Variants in RELN observed in about 807,000 individuals in gnomAD.
RELN encodes reelin.
A neutral mutation model predicts 427.6 loss-of-function variants in RELN; 108 were observed. That is an observed-to-expected ratio of 0.25 (90% CI 0.22 to 0.30). RELN has a LOEUF of 0.30. Ranked by LOEUF, RELN falls within the 10% of genes least tolerant of loss-of-function variation. The pLI is 1.00. For synonymous variants in RELN, 1,524 were observed against 1,513.4 expected (o/e 1.01, Z -0.16); for missense variants, 3,715 against 4,302.8 (o/e 0.86, Z 3.82).
intron 2 of RELN, among the ~76,000 whole-genome samples, chr7:103,856,751 C>G (rs193078464): frequency 4.6e-5 from 7 of 152,098 alleles, no homozygotes; most frequent in Non-Finnish European, 1.0e-4. Flanking sequence ...ATTCCTCCTT[C>G]CATTTAACTG....
intron 4 of RELN, among the ~76,000 whole-genome samples, chr7:103,768,851 G>C (rs918289108): frequency 1.3e-5 from 2 of 151,990 alleles, no homozygotes; most frequent in African/African-American, 4.8e-5. Context: ...TCTTGAGAAG[G>C]GATTTATTCT....
At chr7:103,524,779 TG>T (rs1299274698) in intron 46 of RELN, among the ~76,000 whole-genome samples, 1 of 152,178 alleles carries the variant, frequency 6.6e-6, no homozygotes, top group Non-Finnish European at 1.5e-5. Flanking sequence ...TCACCTGAAA[TG>T]AAGAGGTCAG....
At chr7:103,801,394 T>G (rs1465428906) in intron 3 of RELN, among the ~76,000 whole-genome samples, 2 of 152,168 alleles carry the variant, frequency 1.3e-5, no homozygotes, top group Non-Finnish European at 2.9e-5. Context: ...TGGAATACTA[T>G]GCAGACATAA....
chr7:103,574,329 G>A (rs771583932), intron 29 of RELN, 30 bp from the exon 30 acceptor site: 1 of 1,583,844 alleles, frequency 6.3e-7, no homozygotes, highest in Non-Finnish European at 8.7e-7. Flanking sequence ...GAGGAGAGAT[G>A]CTTTGTTGGA....
intron 8 of RELN, among the ~76,000 whole-genome samples, chr7:103,708,661 C>T (rs1789706264): frequency 2.0e-5 from 3 of 151,824 alleles, no homozygotes; most frequent in East Asian, 1.9e-4. Flanking sequence ...AACGGGGTTT[C>T]ACCGTGTTAG....
intron 11 of RELN, among the ~76,000 whole-genome samples, chr7:103,663,900 T>C (rs771586470): frequency 3.4e-4 from 51 of 151,812 alleles, no homozygotes; most frequent in East Asian, 5.9e-4. Context: ...TGGTCTTATA[T>C]AGAGGACTGA....
chr7:103,962,390 T>G (rs910713547), intron 1 of RELN, among the ~76,000 whole-genome samples: 4 of 152,256 alleles, frequency 2.6e-5, no homozygotes, highest in African/African-American at 9.6e-5. Context: ...CATCTTTCTC[T>G]GTGGCCTTCC....
At position 103,526,897 on chromosome 7, in the gene RELN, T is replaced by C. The variant is rs577238315; in HGVS notation, c.7350-3366A>G. ...CACCATCAGCTGCTACTTCCCGGAG[T>C]TGGGGGAAAAATGGTCCCAGAGAAG... On this transcript the variant is annotated intron_variant, in intron 46 of 64. Transcript: ENST00000428762. Among the ~76,000 whole-genome samples the C allele has an allele frequency of 2.9e-3, 437 of 152,196 alleles. 1 individual carries two copies. Among genetic ancestry groups the C allele is most frequent in the African/African-American group, 9.9e-3 (413 of 41,516 alleles).
At chr7:103,728,045 CT>C in intron 7 of RELN, 65 bp downstream of exon 7, 1 of 1,519,156 alleles carries the variant, frequency 6.6e-7, no homozygotes, top group Non-Finnish European at 9.1e-7. Context: ...ATAAGAAAAA[CT>C]TTTGTTGGCA....
At chr7:103,910,540 G>A (rs1426644675) in intron 2 of RELN, among the ~76,000 whole-genome samples, 9 of 149,522 alleles carry the variant, frequency 6.0e-5, no homozygotes, top group Non-Finnish European at 1.2e-4. Context: ...AGCCCGCATC[G>A]CCAAGTCAAT....
chr7:103,717,475 T>G (rs879389218), intron 8 of RELN, among the ~76,000 whole-genome samples: 1 of 138,552 alleles, frequency 7.2e-6, no homozygotes, highest in Non-Finnish European at 1.5e-5. Flanking sequence ...ATTCCATATA[T>G]AAAACAAAAA....
intron 48 of RELN, 77 bp from the exon 49 acceptor site, chr7:103,519,593 T>A: frequency 2.5e-6 from 3 of 1,208,226 alleles, no homozygotes; most frequent in South Asian, 2.6e-5. Context: ...TGGATTTTTT[T>A]TTTTTTTGAG....
At chr7:103,502,935 A>C (rs895391171) in intron 52 of RELN, 81 bp downstream of exon 52, 10 of 1,175,372 alleles carry the variant, frequency 8.5e-6, no homozygotes, top group African/African-American at 1.5e-5. Flanking sequence ...AATACACATA[A>C]TTTCAGGCAT....
chr7:103,542,436 T>A (rs975044615), intron 43 of RELN, among the ~76,000 whole-genome samples: 4 of 152,228 alleles, frequency 2.6e-5, no homozygotes, highest in African/African-American at 9.6e-5. Context: ...TTATTGAAGT[T>A]AAAGTAAATT....
At chr7:103,520,973 T>TTA (rs1829692617) in intron 48 of RELN, among the ~76,000 whole-genome samples, 2 of 132,726 alleles carry the variant, frequency 1.5e-5, no homozygotes, top group African/African-American at 5.7e-5. Flanking sequence ...TTTTTTTTTT[T>TTA]TTTTTTTTTT....
chr7:103,677,449 T>C (rs970998828), intron 11 of RELN, among the ~76,000 whole-genome samples: 53 of 119,896 alleles, frequency 4.4e-4, no homozygotes, highest in South Asian at 1.5e-3. Context: ...ATAATAATAA[T>C]AATAAAAAGA....
intron 10 of RELN, among the ~76,000 whole-genome samples, chr7:103,683,135 C>G (rs957605490): frequency 2.2e-4 from 33 of 152,094 alleles, no homozygotes; most frequent in Middle Eastern, 3.4e-3. Flanking sequence ...CATGAAACAT[C>G]AAACATTCTT....
chr7:103,724,244 T>C (rs1584437295), intron 7 of RELN, among the ~76,000 whole-genome samples: 1 of 152,230 alleles, frequency 6.6e-6, no homozygotes, highest in Admixed American at 6.5e-5. Context: ...TTATATGTCT[T>C]AATAACATCT....
Position 103,929,244 on chromosome 7 carries a change from T to G in RELN, c.227-12059A>C, listed in dbSNP as rs1217813614. On this transcript the variant is annotated intron_variant, in intron 1 of 64. Transcript: ENST00000428762. ...GTGATCATGTGTAATTTTTTCAGCATAATGGCTGAAGAACCGAGCTCACTG... is the reference window on the plus strand; with the variant it reads ...GTGATCATGTGTAATTTTTTCAGCAGAATGGCTGAAGAACCGAGCTCACTG... 3.3e-5 allele frequency among the ~76,000 whole-genome samples: 5 copies of G among 152,204 alleles called. No individual in the cohort carries two copies. The East Asian group carries it at 9.6e-4, about 29-fold the overall frequency.
Sources: gnomAD v4.1 joint callset for allele counts (sites outside exome capture counted in the v4.1 genomes callset) on GRCh38, gnomAD v4.1.1 for gene constraint, MANE v1.5 for transcripts, NCBI Gene and HGNC (gene_info 2026-07-23, HGNC 2026-07-21) for gene names.